The following CCDC18 variants were observed in gnomAD, a reference collection of about 807,000 sequenced individuals.
CCDC18 encodes the protein coiled-coil domain containing 18.
CCDC18 carries 157 observed loss-of-function variants against 196.0 expected under a neutral mutation model. The ratio of observed to expected loss-of-function variants is 0.80; its 90% CI spans 0.70 to 0.91. The LOEUF (loss-of-function observed/expected upper bound fraction) is 0.91, where lower values mean the gene tolerates loss of function less well. CCDC18 is among the 40% of genes least tolerant of loss of function. CCDC18 has a pLI of 0.00. For missense variants in CCDC18, 1,465 were observed against 1,611.6 expected (o/e 0.91, Z 1.56); for synonymous variants, 482 against 529.2 (o/e 0.91, Z 1.22).
At chr1:93,278,033 C>CT (rs1665724644) in intron 28 of CCDC18, among the ~76,000 whole-genome samples, 1 of 152,066 alleles carries the variant, frequency 6.6e-6, no homozygotes, top group Admixed American at 6.6e-5. Context: ...GTCTCCCAGG[C>CT]TGGAGTGCAG....
rs764136650 is a variant in CCDC18, at chr1:93,270,522, C to G, written c.4061C>G (p.Ser1354Cys). 1.3e-6 allele frequency: 2 copies of G among 1,550,386 alleles called. No homozygotes were observed. The highest frequency in any genetic ancestry group is 1.7e-6 in the Non-Finnish European group (2 of 1,146,882). ...SFSKCTKLRR[S>C]ISASDLTFKI... ...TCCAAGTGTACAAAATTACGTCGCT[C>G]TATTAGTGCCAGTGATCTTACTTTC... The change falls in exon 28 of 29, where the codon TCT (serine) becomes TGT (cysteine). Residue 1354 changes from serine to cysteine, a missense_variant. Ser to Cys is a moderately radical substitution (Grantham distance 112). Transcript: ENST00000690025.
At chr1:93,234,340 T>G (rs1659710757) in intron 18 of CCDC18, among the ~76,000 whole-genome samples, 2 of 152,044 alleles carry the variant, frequency 1.3e-5, no homozygotes, top group Non-Finnish European at 2.9e-5. Flanking sequence ...TTTTGTTTTT[T>G]TAGTAGAGGC....
intron 26 of CCDC18, among the ~76,000 whole-genome samples, chr1:93,261,917 T>A (rs1468452485): frequency 1.3e-5 from 2 of 152,202 alleles, no homozygotes; most frequent in Non-Finnish European, 2.9e-5. Context: ...AAAAGAGCTT[T>A]AATTAACTCA....
intron 26 of CCDC18, among the ~76,000 whole-genome samples, 196 bp downstream of exon 26, chr1:93,259,081 T>G (rs1663427594): frequency 6.6e-6 from 1 of 152,320 alleles, no homozygotes; most frequent in East Asian, 1.9e-4. Context: ...CCAGGCAACC[T>G]GGTTCTAAAC....
chr1:93,182,430 G>C (rs561876930), intron 1 of CCDC18, among the ~76,000 whole-genome samples: 21 of 152,302 alleles, frequency 1.4e-4, no homozygotes, highest in African/African-American at 4.3e-4. Flanking sequence ...TGGAACTTGG[G>C]ATGGGATCAG....
intron 17 of CCDC18, among the ~76,000 whole-genome samples, chr1:93,228,269 G>GA (rs1010315067): frequency 1.9e-4 from 29 of 152,026 alleles, no homozygotes; most frequent in African/African-American, 6.5e-4. Flanking sequence ...TGGGGCCAAA[G>GA]AAAAAAGGTC....
intron 24 of CCDC18, 30 bp from the exon 25 acceptor site, chr1:93,256,305 T>C (rs1662953120): frequency 6.3e-7 from 1 of 1,593,030 alleles, no homozygotes; most frequent in Non-Finnish European, 8.6e-7. Context: ...TATTTCATTC[T>C]GAAACCTACA....
At chr1:93,262,817 A>G (rs1281595548) in intron 26 of CCDC18, among the ~76,000 whole-genome samples, 1 of 151,982 alleles carries the variant, frequency 6.6e-6, no homozygotes, top group African/African-American at 2.4e-5. Flanking sequence ...TCTCCTCTGT[A>G]CTGCCTTAGT....
intron 17 of CCDC18, among the ~76,000 whole-genome samples, chr1:93,230,365 G>A (rs114522709): frequency 0.095 from 14,354 of 151,382 alleles, 944 homozygotes; most frequent in East Asian, 0.28. Context: ...GGTGGTGGGC[G>A]CCTGTAGTCC....
intron 23 of CCDC18, among the ~76,000 whole-genome samples, chr1:93,248,508 G>T (rs1452134928): frequency 6.6e-6 from 1 of 152,160 alleles, no homozygotes; most frequent in Non-Finnish European, 1.5e-5. Flanking sequence ...TCCCTGGGAT[G>T]AATTCCACTT....
At chr1:93,213,016 A>T (rs1050888299) in intron 11 of CCDC18, among the ~76,000 whole-genome samples, 1 of 152,116 alleles carries the variant, frequency 6.6e-6, no homozygotes, top group Non-Finnish European at 1.5e-5. Flanking sequence ...AGCAGTCTAG[A>T]TCCTGCGCAT....
intron 7 of CCDC18, among the ~76,000 whole-genome samples, chr1:93,202,286 G>T (rs553803799): frequency 5.3e-5 from 8 of 152,234 alleles, no homozygotes; most frequent in African/African-American, 1.9e-4. Flanking sequence ...GTAGAAAAAA[G>T]AAATTCATTT....
chr1:93,190,714 C>G, intron 4 of CCDC18: 1 of 362,834 alleles, frequency 2.8e-6, no homozygotes, highest in Non-Finnish European at 5.0e-6. Flanking sequence ...ATTTTATTGT[C>G]TTCATAATAA....
At chr1:93,262,696 G>A (rs1436105494) in intron 26 of CCDC18, among the ~76,000 whole-genome samples, 1 of 152,184 alleles carries the variant, frequency 6.6e-6, no homozygotes, top group Non-Finnish European at 1.5e-5. Context: ...CACGGTGCAA[G>A]CTGTTGGTGG....
chr1:93,230,196 T>C (rs950728536), intron 17 of CCDC18, among the ~76,000 whole-genome samples: 1 of 152,038 alleles, frequency 6.6e-6, no homozygotes, highest in Non-Finnish European at 1.5e-5. Context: ...TTGTTCTGTA[T>C]TTACTTTTAA....
chr1:93,231,537 T>C (rs974456092), intron 17 of CCDC18, among the ~76,000 whole-genome samples: 1 of 152,136 alleles, frequency 6.6e-6, no homozygotes, highest in East Asian at 1.9e-4. Context: ...AAGAATATTA[T>C]AAAATATATT....
chr1:93,216,578 GAA>G, intron 12 of CCDC18, 56 bp from the exon 13 acceptor site: 3 of 843,460 alleles, frequency 3.6e-6, no homozygotes, highest in South Asian at 3.6e-5. Context: ...TTTGATCTTA[GAA>G]TGCAAAATCA....
chr1:93,278,414 C>A, intron 28 of CCDC18, 49 bp from the exon 29 acceptor site: 3 of 771,910 alleles, frequency 3.9e-6, no homozygotes, highest in South Asian at 5.2e-5. Flanking sequence ...AATGCTAAAT[C>A]AGTTTAGGAA....
In CCDC18 at chr1:93,207,370, G is replaced by C; in HGVS notation, c.1181G>C (p.Ser394Thr). ...EIESSRVELR[S>T]LEKIISQLPL... is the part of the protein sequence containing the mutation. ...GAAAGTTCAAGGGTAGAACTAAGAA[G>C]TTTGGAAAAGATTATATCCCAGTTG... Residue 394 changes from serine (S) to threonine (T), a missense_variant, in exon 9 of 29, where the codon AGT becomes ACT. Transcript: ENST00000690025. 6.2e-7 allele frequency: 1 copy of C among 1,602,590 alleles called. No homozygotes were observed. Among genetic ancestry groups the C allele is most frequent in the Non-Finnish European group, 8.5e-7 (1 of 1,174,228 alleles).
Sources: gnomAD v4.1 joint callset for allele counts (sites outside exome capture counted in the v4.1 genomes callset) on GRCh38, gnomAD v4.1.1 for gene constraint, MANE v1.5 for transcripts, NCBI Gene and HGNC (gene_info 2026-07-23, HGNC 2026-07-21) for gene names.